SDHC: variants seen among roughly 807,000 people sequenced by gnomAD.
SDHC encodes the protein succinate dehydrogenase complex subunit C, also known as succinate dehydrogenase cytochrome b560 subunit, mitochondrial.
A neutral mutation model predicts 22.6 loss-of-function variants in SDHC; 11 were observed. That is an observed-to-expected ratio of 0.49 (90% CI 0.31 to 0.81). The LOEUF (loss-of-function observed/expected upper bound fraction) is 0.81, where lower values mean the gene tolerates loss of function less well. Ranked by LOEUF, SDHC falls within the 30% of genes least tolerant of loss-of-function variation. The pLI is 0.05. For synonymous variants in SDHC, 80 were observed against 77.8 expected (o/e 1.03, Z -0.15); for missense variants, 160 against 212.0 (o/e 0.75, Z 1.52).
chr1:161,323,400 ACT>A (rs1189580419), intron 1 of SDHC, among the ~76,000 whole-genome samples: 2 of 151,960 alleles, frequency 1.3e-5, no homozygotes, highest in Non-Finnish European at 2.9e-5. Context: ...TGTTTGATTA[ACT>A]CTATTTTGCA....
At chr1:161,317,966 G>A (rs2102281699) in intron 1 of SDHC, among the ~76,000 whole-genome samples, 1 of 152,124 alleles carries the variant, frequency 6.6e-6, no homozygotes. Flanking sequence ...AAGGTCAGGA[G>A]ATCAAGACCA....
At chr1:161,337,637 T>C (rs1185427045) in intron 3 of SDHC, among the ~76,000 whole-genome samples, 1 of 152,234 alleles carries the variant, frequency 6.6e-6, no homozygotes, top group Non-Finnish European at 1.5e-5. Context: ...ACCTTGTCAT[T>C]ACTGGGCTAG....
intron 4 of SDHC, among the ~76,000 whole-genome samples, chr1:161,341,898 A>G (rs1558175376): frequency 6.6e-6 from 1 of 152,082 alleles, no homozygotes; most frequent in Admixed American, 6.5e-5. Flanking sequence ...TTAATTATCT[A>G]GTAGGGTACC....
intron 1 of SDHC, among the ~76,000 whole-genome samples, chr1:161,317,665 G>A (rs1018301627): frequency 6.1e-5 from 9 of 146,544 alleles, no homozygotes; most frequent in East Asian, 2.1e-4. Context: ...GGGTTCAAGC[G>A]ATTCTCCTGG....
In SDHC at chr1:161,362,411, C is replaced by T. The variant is rs1672554146; in HGVS notation, c.488C>T (p.Ser163Phe). ...VVVLVLTVLS[S>F]MGLAAM is the part of the protein sequence containing the mutation. The stretch of plus-strand genomic sequence containing the variant: ...GTCCTGGTTCTTACTGTGTTGTCCT[C>T]TATGGGGCTGGCAGCCATGTGAAGA... The change falls in exon 6 of 6, where the codon TCT becomes TTT. Residue 163 changes from serine to phenylalanine, a missense_variant. Ser to Phe is a radical substitution (Grantham distance 155, BLOSUM62 -2). This residue lies in a region of SDHC where 74 missense variants were observed against 128.6 expected (regional missense o/e 0.58). Coordinates refer to ENST00000367975, the MANE Select transcript of SDHC (RefSeq NM_003001.5). 6.2e-7 allele frequency: 1 copy of T among 1,613,086 alleles called. No individual in the cohort carries two copies. Among genetic ancestry groups the T allele is most frequent in the African/African-American group, 1.3e-5 (1 of 74,704 alleles).
At chr1:161,352,749 T>C (rs1393478975) in intron 4 of SDHC, among the ~76,000 whole-genome samples, 2 of 151,778 alleles carry the variant, frequency 1.3e-5, no homozygotes, top group Non-Finnish European at 2.9e-5. Flanking sequence ...CCAAGGCGAG[T>C]GGATCACCTG....
chr1:161,358,783 GGGCATGGT>G (rs1672383423), intron 5 of SDHC, among the ~76,000 whole-genome samples: 1 of 151,788 alleles, frequency 6.6e-6, no homozygotes, highest in African/African-American at 2.4e-5. Flanking sequence ...AAAATTAGCC[GGGCATGGT>G]GGCACATGCC....
rs931708632 is a variant in SDHC, at chr1:161,349,815, G to A, written c.242-6862G>A. ...ATTCTAACTCTGTCACTAACTGTGA[G>A]ACCTTACCTTGAAAAAGTTATTTGT... is the stretch of plus-strand genomic sequence containing the variant. On this transcript the variant is annotated intron_variant, in intron 4 of 5. Coordinates refer to ENST00000367975, the MANE Select transcript of SDHC (RefSeq NM_003001.5). Among the ~76,000 whole-genome samples, 35 of 152,304 alleles carry A rather than the reference G, an allele frequency of 2.3e-4. 1 individual carries two copies. The highest frequency in any genetic ancestry group is 8.2e-4 in the African/African-American group (34 of 41,566).
At chr1:161,322,615 G>A (rs1404222164) in intron 1 of SDHC, among the ~76,000 whole-genome samples, 1 of 149,826 alleles carries the variant, frequency 6.7e-6, no homozygotes, top group Non-Finnish European at 1.5e-5. Context: ...CACCCAGTCT[G>A]GAGTGCAGTG....
intron 4 of SDHC, among the ~76,000 whole-genome samples, chr1:161,354,278 A>G (rs1416143102): frequency 6.6e-6 from 1 of 152,156 alleles, no homozygotes; most frequent in African/African-American, 2.4e-5. Flanking sequence ...ACAGTACTTC[A>G]TTTTTGCTGA....
chr1:161,340,525 C>A, intron 3 of SDHC, 69 bp from the exon 4 acceptor site: 1 of 1,369,604 alleles, frequency 7.3e-7, no homozygotes, highest in Non-Finnish European at 1.0e-6. Flanking sequence ...TATATTTTTG[C>A]CAAGATAGAC....
At chr1:161,335,851 C>A (rs1455493373) in intron 3 of SDHC, among the ~76,000 whole-genome samples, 1 of 152,034 alleles carries the variant, frequency 6.6e-6, no homozygotes, top group Non-Finnish European at 1.5e-5. Flanking sequence ...CTGTTTATCT[C>A]ATCTTCAGAA....
At chr1:161,352,286 A>G (rs1464530032) in intron 4 of SDHC, among the ~76,000 whole-genome samples, 1 of 152,216 alleles carries the variant, frequency 6.6e-6, no homozygotes, top group Non-Finnish European at 1.5e-5. Context: ...ACTGATTAAT[A>G]TTCCTGTTTG....
chr1:161,362,558 G>A lies in SDHC; in HGVS notation c.*125G>A. The A allele has an allele frequency of 1.2e-6, 2 of 1,608,158 alleles. No homozygotes were observed. Among genetic ancestry groups the A allele is most frequent in the Non-Finnish European group, 1.7e-6 (2 of 1,177,496 alleles). On this transcript the variant is annotated 3_prime_UTR_variant, in exon 6 of 6. Transcript: ENST00000367975. The stretch of plus-strand genomic sequence containing the variant: ...TTGTTTAGATCCTTTTGTATTTTCA[G>A]ATCTCCTTGGAGCAGTAGAGTACCT...
intron 4 of SDHC, among the ~76,000 whole-genome samples, chr1:161,345,828 C>T (rs977106153): frequency 6.6e-6 from 1 of 151,230 alleles, no homozygotes. Flanking sequence ...TTTTTTGAGA[C>T]GGAGTCTTGC....
chr1:161,337,672 T>G (rs1207068946), intron 3 of SDHC, among the ~76,000 whole-genome samples: 4 of 152,172 alleles, frequency 2.6e-5, no homozygotes, highest in Non-Finnish European at 5.9e-5. Context: ...TAACCGTTTT[T>G]GAAAAATAGG....
At chr1:161,317,567 T>G (rs1393731817) in intron 1 of SDHC, among the ~76,000 whole-genome samples, 9 of 133,554 alleles carry the variant, frequency 6.7e-5, no homozygotes, top group Non-Finnish European at 1.4e-4. Flanking sequence ...TTTTTTTTTT[T>G]TTTTTTTTTT....
intron 4 of SDHC, among the ~76,000 whole-genome samples, chr1:161,356,047 A>T (rs1282799593): frequency 6.6e-6 from 1 of 151,710 alleles, no homozygotes; most frequent in Non-Finnish European, 1.5e-5. Context: ...GACTGAGTAC[A>T]CTGTTTTTAC....
At chr1:161,360,811 G>A (rs1672481663) in intron 5 of SDHC, among the ~76,000 whole-genome samples, 1 of 151,822 alleles carries the variant, frequency 6.6e-6, no homozygotes, top group Admixed American at 6.6e-5. Flanking sequence ...AATTTAAATA[G>A]AATAGAAAAT....
Sources: gnomAD v4.1 joint callset for allele counts (sites outside exome capture counted in the v4.1 genomes callset) on GRCh38, gnomAD v4.1.1 for gene constraint, gnomAD v4.1.1 regional missense constraint, MANE v1.5 for transcripts, NCBI Gene and HGNC (gene_info 2026-07-23, HGNC 2026-07-21) for gene names.